Variants in COPB2 observed in about 807,000 individuals in gnomAD.
The protein encoded by COPB2 is coat protein complex I subunit beta 2.
COPB2 carries 16 observed loss-of-function variants against 120.8 expected under a neutral mutation model. That is an observed-to-expected ratio of 0.13 (90% CI 0.09 to 0.20). The LOEUF is 0.20. COPB2 is among the 10% of genes least tolerant of loss of function. The pLI is 1.00. For synonymous variants in COPB2, 332 were observed against 366.3 expected (o/e 0.91, Z 1.07); for missense variants, 794 against 1,076.5 (o/e 0.74, Z 3.67).
intron 4 of COPB2, 124 bp downstream of exon 4, chr3:139,378,923 A>T: frequency 1.0e-6 from 1 of 994,552 alleles, no homozygotes; most frequent in East Asian, 2.7e-5. Context: ...ATGGATCTAA[A>T]TAGTTTAAAG....
chr3:139,362,365 G>T, intron 16 of COPB2, 42 bp downstream of exon 16: 1 of 1,419,066 alleles, frequency 7.0e-7, no homozygotes, highest in Non-Finnish European at 9.8e-7. Context: ...AGTACCTACT[G>T]ACTTTTCCAT....
At position 139,375,538 on chromosome 3, in the gene COPB2, T is replaced by C. The variant is rs199603762; in HGVS notation, c.581A>G (p.Tyr194Cys). 5.3e-5 allele frequency: 86 copies of C among 1,614,016 alleles called. No homozygotes were observed. The highest frequency in any genetic ancestry group is 3.6e-5 in the Non-Finnish European group (42 of 1,179,998). ...GAGGTATGGCTTGTCCCCACCACTG[T>C]AGTAATCAATGCAATTCACGCCTTT... ...HEKGVNCIDY[Y>C]SGGDKPYLIS... is the part of the protein sequence containing the mutation. The change falls in exon 6 of 22, where the codon TAC (tyrosine) becomes TGC (cysteine). Residue 194 changes from tyrosine (Y) to cysteine (C), a missense_variant. Tyr to Cys is a radical substitution (Grantham distance 194). Transcript: ENST00000333188.
chr3:139,357,878 A>G lies in COPB2; in HGVS notation c.2706T>C (p.Asp902=), dbSNP rs1941320922. 2 of 1,576,302 alleles carry G rather than the reference A, an allele frequency of 1.3e-6. No individual in the cohort carries two copies. Among genetic ancestry groups the G allele is most frequent in the Non-Finnish European group, 1.7e-6 (2 of 1,150,246 alleles). Residue 902 remains aspartate (D), a synonymous_variant, in exon 22 of 22, where the codon GAT becomes GAC. Coordinates refer to ENST00000333188, the MANE Select transcript of COPB2 (RefSeq NM_004766.3). The part of the protein sequence containing the change: ...IDTTDINLDE[D]ILDD Reference sequence around the variant, plus strand: ...AGCATTACAGTCAATCATCCAAAATATCTTCATCCAGATTGATATCTGTTG... The same window carrying G: ...AGCATTACAGTCAATCATCCAAAATGTCTTCATCCAGATTGATATCTGTTG...
chr3:139,389,516 AC>A, intron 1 of COPB2, 31 bp downstream of exon 1: 2 of 1,545,086 alleles, frequency 1.3e-6, no homozygotes, highest in Non-Finnish European at 1.8e-6. Flanking sequence ...AACCTATGGG[AC>A]CCCGCTCCCT....
chr3:139,378,246 A>C, intron 4 of COPB2, 57 bp from the exon 5 acceptor site: 1 of 1,462,316 alleles, frequency 6.8e-7, no homozygotes, highest in Non-Finnish European at 9.3e-7. Flanking sequence ...CTTCATAACT[A>C]AGACACAGTC....
intron 17 of COPB2, 95 bp from the exon 18 acceptor site, chr3:139,359,457 A>G: frequency 9.5e-7 from 1 of 1,049,298 alleles, no homozygotes; most frequent in South Asian, 1.5e-5. Context: ...AAAGCCAAAA[A>G]TCTCCCCAAT....
chr3:139,366,210 A>T (rs369202050), intron 15 of COPB2, among the ~76,000 whole-genome samples: 2 of 152,324 alleles, frequency 1.3e-5, no homozygotes, highest in East Asian at 3.9e-4. Flanking sequence ...TTACATAAGA[A>T]AAAGTCATGT....
At chr3:139,366,820 T>G (rs1560014738) in intron 14 of COPB2, 45 bp from the exon 15 acceptor site, 1 of 1,585,144 alleles carries the variant, frequency 6.3e-7, no homozygotes, top group Admixed American at 1.7e-5. Context: ...AATCTGCAAT[T>G]ACACAAACAC....
intron 13 of COPB2, among the ~76,000 whole-genome samples, chr3:139,367,476 CAG>C (rs1301049596): frequency 2.6e-5 from 4 of 151,958 alleles, no homozygotes; most frequent in Non-Finnish European, 5.9e-5. Flanking sequence ...TTCGTAGAGA[CAG>C]GGTTTCACCA....
chr3:139,373,273 A>G lies in COPB2; in HGVS notation c.1034T>C (p.Val345Ala). ...TATTTCACAACTGCCCATATCCTTTACTGCCAGTGGCAATCTTTCACCATC... is the reference window on the plus strand; with the variant it reads ...TATTTCACAACTGCCCATATCCTTTGCTGCCAGTGGCAATCTTTCACCATC... The part of the protein sequence containing the change: ...IKDGERLPLA[V>A]KDMGSCEIYP... The change falls in exon 9 of 22, where the codon GTA becomes GCA. Residue 345 changes from valine to alanine, a missense_variant. Coordinates refer to ENST00000333188, the MANE Select transcript of COPB2 (RefSeq NM_004766.3). 6.2e-7 allele frequency: 1 copy of G among 1,614,098 alleles called. No individual in the cohort carries two copies.
intron 20 of COPB2, 27 bp downstream of exon 20, chr3:139,358,717 A>AT (rs752493992): frequency 1.3e-6 from 2 of 1,547,316 alleles, no homozygotes; most frequent in Non-Finnish European, 8.9e-7. Context: ...TCTCAGCCAA[A>AT]TTTATCACAT....
intron 17 of COPB2, 145 bp downstream of exon 17, chr3:139,360,936 A>AT (rs1025994222): frequency 1.5e-5 from 12 of 798,960 alleles, no homozygotes; most frequent in Non-Finnish European, 2.4e-5. Context: ...GAGTGCCACC[A>AT]AGGCAGCACT....
intron 4 of COPB2, 152 bp from the exon 5 acceptor site, chr3:139,378,341 T>A: frequency 1.6e-6 from 1 of 614,612 alleles, no homozygotes; most frequent in Non-Finnish European, 2.5e-6. Flanking sequence ...TTCAAAATGC[T>A]TATTTATCTT....
Position 139,379,029 on chromosome 3 carries a change from A to C in COPB2, c.355+18T>G, listed in dbSNP as rs1560020024. 1.3e-6 allele frequency: 2 copies of C among 1,564,632 alleles called. No homozygotes were observed. Among genetic ancestry groups the C allele is most frequent in the Non-Finnish European group, 1.7e-6 (2 of 1,160,814 alleles). On this transcript the variant is annotated intron_variant, in intron 4 of 21. Transcript: ENST00000333188. ...TTACCCAAAGAGACGCACATGACCA[A>C]AAAAGGTCATCTCTTACCACTGCTA...
intron 16 of COPB2, among the ~76,000 whole-genome samples, chr3:139,361,637 C>T (rs915204002): frequency 6.6e-6 from 1 of 152,146 alleles, no homozygotes; most frequent in African/African-American, 2.4e-5. Context: ...TTTAATATCA[C>T]TTTTTTGAAA....
intron 8 of COPB2, 101 bp from the exon 9 acceptor site, chr3:139,373,513 T>A (rs1941661079): frequency 1.3e-6 from 2 of 1,512,072 alleles, no homozygotes; most frequent in East Asian, 4.6e-5. Flanking sequence ...TCCATTTCCT[T>A]TCTTCCACTT....
rs1324144136 is a variant in COPB2 at position 139,370,094 on chromosome 3, G to A, written c.1206-550C>T. ...ATGGACAGACTGTTAATGGAGACAA[G>A]GGGATTTTGCGGGGATGATAGAAAT... is the stretch of plus-strand genomic sequence containing the variant. On this transcript the variant is annotated intron_variant, in intron 10 of 21. Coordinates refer to ENST00000333188, the MANE Select transcript of COPB2 (RefSeq NM_004766.3). 2.6e-5 allele frequency among the ~76,000 whole-genome samples: 4 copies of A among 152,176 alleles called. No individual in the cohort carries two copies. In the East Asian group the frequency reaches 7.7e-4, roughly 29 times the overall value.
rs1941314447 is a variant in COPB2, at chr3:139,357,622, A to AATAGT, written c.*236_*240dup. 5.5e-6 allele frequency: 2 copies of AATAGT among 361,130 alleles called. No homozygotes were observed. The highest frequency in any genetic ancestry group is 9.0e-5 in the South Asian group (1 of 11,152). 22.4% of individuals were successfully genotyped at this position (361,130 alleles called of 1,614,324 possible). On this transcript the variant is annotated 3_prime_UTR_variant, in exon 22 of 22. Transcript: ENST00000333188. ...CAAAAGGTTTTATGAGATATGGTCT[A>AATAGT]ATAGTATGAAAAAAATCAAAGCCCA...
At chr3:139,368,562 T>G (rs935379476) in intron 12 of COPB2, among the ~76,000 whole-genome samples, 5 of 152,180 alleles carry the variant, frequency 3.3e-5, no homozygotes, top group African/African-American at 1.2e-4. Flanking sequence ...TATTCCCTCT[T>G]GCTCTAGAAC....
Sources: allele counts gnomAD v4.1 joint callset (sites outside exome capture counted in the v4.1 genomes callset), GRCh38; gene constraint gnomAD v4.1.1; transcripts MANE v1.5; gene names NCBI Gene and HGNC (gene_info 2026-07-23, HGNC 2026-07-21).